The following RRAS2 variants were observed in gnomAD, a reference collection of about 807,000 sequenced individuals.
RRAS2 encodes the protein ras-related protein R-Ras2.
Under a neutral mutation model 27.6 loss-of-function variants are expected in RRAS2, and 7 were observed. The ratio of observed to expected loss-of-function variants is 0.25; its 90% CI spans 0.14 to 0.48. The LOEUF is 0.48. RRAS2 is among the 20% of genes least tolerant of loss of function. The pLI is 0.99. For synonymous variants in RRAS2, 86 were observed against 90.9 expected (o/e 0.95, Z 0.31); for missense variants, 178 against 256.2 (o/e 0.69, Z 2.08).
At chr11:14,353,996 G>A (rs1849019779) in intron 1 of RRAS2, among the ~76,000 whole-genome samples, 1 of 152,288 alleles carries the variant, frequency 6.6e-6, no homozygotes, top group African/African-American at 2.4e-5. Context: ...ATAGATAAAA[G>A]TTAACAGTTT....
intron 4 of RRAS2, among the ~76,000 whole-genome samples, chr11:14,286,586 T>G (rs1414102826): frequency 2.0e-5 from 3 of 152,232 alleles, no homozygotes; most frequent in African/African-American, 7.2e-5. Context: ...TTTAGGTAAT[T>G]TGTTCTCCCA....
At position 14,293,124 on chromosome 11, in the gene RRAS2, A is replaced by AATATATATATATATATATATATATATAT. The variant is rs781860601; in HGVS notation, c.408+1319_408+1346dup. 2.0e-4 allele frequency among the ~76,000 whole-genome samples: 15 copies of AATATATATATATATATATATATATATAT among 76,798 alleles called. 1 individual carries two copies. The highest frequency in any genetic ancestry group is 3.7e-4 in the African/African-American group (6 of 16,004). The allele number at this position is 76,798 out of a possible 152,430, so 50.4% of individuals were successfully genotyped here. A position where few individuals can be genotyped will look rare whatever the true frequency, so the allele number is the denominator to read the frequency against. ...CTCCGTCTCAAAACAAAACAAAACA[A>AATATATATATATATATATATATATATAT]ATATATATATATATATATATATATA... is the stretch of plus-strand genomic sequence containing the variant. On this transcript the variant is annotated intron_variant, in intron 4 of 5. Transcript: ENST00000256196.
rs1350943354 is a variant in RRAS2, at chr11:14,358,984, G to A, written c.-114C>T. On this transcript the variant is annotated 5_prime_UTR_variant, in exon 1 of 6. Transcript: ENST00000256196. The surrounding 1 kb of genome is among the most constrained non-coding windows in gnomAD (Gnocchi z 5.1). The stretch of plus-strand genomic sequence containing the variant: ...GCTGCGGGCGAGCGGCCGGGCTGGG[G>A]TCCCGGGTACCGGGAGGCGTCTGGA... The A allele has an allele frequency of 4.4e-6, 5 of 1,147,418 alleles. No individual in the cohort carries two copies. Among genetic ancestry groups the A allele is most frequent in the Middle Eastern group, 3.7e-4 (1 of 2,726 alleles). 71.1% of individuals were successfully genotyped at this position (1,147,418 alleles called of 1,614,324 possible).
At chr11:14,320,314 T>C (rs2133995617) in intron 1 of RRAS2, among the ~76,000 whole-genome samples, 1 of 152,360 alleles carries the variant, frequency 6.6e-6, no homozygotes, top group African/African-American at 2.4e-5. Flanking sequence ...GGTTCTAACA[T>C]CTTTTTAAAG....
In RRAS2 at chr11:14,359,002, C is replaced by T. The variant is rs1338397250; in HGVS notation, c.-132G>A. On this transcript the variant is annotated 5_prime_UTR_variant, in exon 1 of 6. Transcript: ENST00000256196. Reference sequence around the variant, plus strand: ...GGCTGGGGTCCCGGGTACCGGGAGGCGTCTGGAGGGCCGGTCAGCGCGGTA... The same window carrying T: ...GGCTGGGGTCCCGGGTACCGGGAGGTGTCTGGAGGGCCGGTCAGCGCGGTA... 8.8e-7 allele frequency: 1 copy of T among 1,137,906 alleles called. No individual in the cohort carries two copies. The allele number at this position is 1,137,906 out of a possible 1,614,324, so 70.5% of individuals were successfully genotyped here. A position where few individuals can be genotyped will look rare whatever the true frequency, so the allele number is the denominator to read the frequency against.
In RRAS2 at chr11:14,359,135, C is replaced by T. The variant is rs901611624; in HGVS notation, c.-265G>A. 5.8e-6 allele frequency: 6 copies of T among 1,034,450 alleles called. No homozygotes were observed. Among genetic ancestry groups the T allele is most frequent in the Non-Finnish European group, 7.0e-6 (6 of 862,736 alleles). The allele number at this position is 1,034,450 out of a possible 1,614,324, so 64.1% of individuals were successfully genotyped here. On this transcript the variant is annotated 5_prime_UTR_variant, in exon 1 of 6. Transcript: ENST00000256196. Reference sequence around the variant, plus strand: ...GGGGGCGCGCTCCTCTACGCGTCTCCGCAGCGCCTGCCGAACGCAGCCTCC... The same window carrying T: ...GGGGGCGCGCTCCTCTACGCGTCTCTGCAGCGCCTGCCGAACGCAGCCTCC...
chr11:14,345,223 T>C (rs1848804944), intron 1 of RRAS2, among the ~76,000 whole-genome samples: 1 of 152,082 alleles, frequency 6.6e-6, no homozygotes, highest in Non-Finnish European at 1.5e-5. Flanking sequence ...TGACCTCAAG[T>C]GATCTGCCCT....
chr11:14,285,825 A>G lies in RRAS2; in HGVS notation c.409-4105T>C, dbSNP rs782166224. On this transcript the variant is annotated intron_variant, in intron 4 of 5. Coordinates refer to ENST00000256196, the MANE Select transcript of RRAS2 (RefSeq NM_012250.6). ...CTGCCATCCTTATCTTTGTTCTTCC[A>G]TATGTAATGTGCTCTTTTCCCCCCG... is the stretch of plus-strand genomic sequence containing the variant. 2.6e-5 allele frequency among the ~76,000 whole-genome samples: 4 copies of G among 152,188 alleles called. No individual in the cohort carries two copies. In the East Asian group the frequency reaches 5.8e-4, roughly 22 times the overall value.
chr11:14,348,976 T>C (rs1848893824), intron 1 of RRAS2, among the ~76,000 whole-genome samples: 2 of 152,146 alleles, frequency 1.3e-5, no homozygotes, highest in South Asian at 2.1e-4. Flanking sequence ...TTTTTGTTTC[T>C]TGTTTTTGAG....
chr11:14,350,642 A>T (rs1848929293), intron 1 of RRAS2, among the ~76,000 whole-genome samples: 2 of 152,158 alleles, frequency 1.3e-5, no homozygotes, highest in African/African-American at 4.8e-5. Context: ...GCCACACTGG[A>T]AGAACTGTCT....
chr11:14,353,582 G>A (rs1308349796), intron 1 of RRAS2, among the ~76,000 whole-genome samples: 22 of 146,866 alleles, frequency 1.5e-4, no homozygotes, highest in Non-Finnish European at 3.0e-4. Context: ...GAACAAGAGC[G>A]AAACTTCGTC....
upstream of RRAS2, among the ~76,000 whole-genome samples, chr11:14,359,452 G>A (rs11023197): frequency 0.3 from 45,248 of 152,148 alleles, 7,667 homozygotes; most frequent in South Asian, 0.43. Flanking sequence ...GACGGCGTGT[G>A]CGAAAAATAG....
intron 1 of RRAS2, among the ~76,000 whole-genome samples, chr11:14,313,076 C>T (rs931564366): frequency 1.3e-5 from 2 of 152,152 alleles, no homozygotes; most frequent in Admixed American, 6.6e-5. Flanking sequence ...CAGACTAGGT[C>T]GCTAGGGATA....
intron 4 of RRAS2, among the ~76,000 whole-genome samples, chr11:14,291,944 C>T (rs1236534051): frequency 6.6e-6 from 1 of 152,136 alleles, no homozygotes; most frequent in Non-Finnish European, 1.5e-5. Context: ...AGCCTAAACA[C>T]AAAATTTACT....
chr11:14,290,632 G>A (rs1405224572), intron 4 of RRAS2, among the ~76,000 whole-genome samples: 1 of 152,162 alleles, frequency 6.6e-6, no homozygotes, highest in Non-Finnish European at 1.5e-5. Context: ...CACTGGGGAG[G>A]CTGGAGGAGC....
intron 4 of RRAS2, among the ~76,000 whole-genome samples, chr11:14,293,254 A>G (rs1313425644): frequency 1.3e-5 from 2 of 150,036 alleles, no homozygotes; most frequent in Admixed American, 1.3e-4. Context: ...CAAAATAGAA[A>G]GCTGCCCTCA....
In RRAS2 at chr11:14,294,764, CTCTA is replaced by C; in HGVS notation, c.291_294del (p.Asp97GlufsTer17). On this transcript the variant is annotated frameshift_variant, in exon 3 of 6. Transcript: ENST00000256196. LOFTEE classifies it high-confidence loss of function. ...ACATTCTAATATGGTACAAACCTGCCTCTATCTGTGACTGAAAAGACCAACAGGA... is the reference window on the plus strand; with the variant it reads ...ACATTCTAATATGGTACAAACCTGCCTCTGTGACTGAAAAGACCAACAGGA... The C allele has an allele frequency of 6.2e-7, 1 of 1,613,160 alleles. No homozygotes were observed. Among genetic ancestry groups the C allele is most frequent in the Non-Finnish European group, 8.5e-7 (1 of 1,179,408 alleles).
chr11:14,335,018 G>A (rs1191819358), intron 1 of RRAS2, among the ~76,000 whole-genome samples: 1 of 152,158 alleles, frequency 6.6e-6, no homozygotes, highest in Non-Finnish European at 1.5e-5. Context: ...CCTGTTCATT[G>A]CTGAATCCAA....
At chr11:14,328,375 A>C (rs1263126404) in intron 1 of RRAS2, among the ~76,000 whole-genome samples, 1 of 151,572 alleles carries the variant, frequency 6.6e-6, no homozygotes, top group Non-Finnish European at 1.5e-5. Context: ...TCAAAAAAAA[A>C]AAAAAAAAAA....
Sources: allele counts gnomAD v4.1 joint callset (sites outside exome capture counted in the v4.1 genomes callset), GRCh38; gene constraint gnomAD v4.1.1; non-coding constraint Gnocchi (gnomAD v3.1); transcripts MANE v1.5; gene names NCBI Gene and HGNC (gene_info 2026-07-23, HGNC 2026-07-21).